The following ZDHHC11 variants were observed in gnomAD, a reference collection of about 807,000 sequenced individuals.
ZDHHC11 encodes zDHHC palmitoyltransferase 11.
A neutral mutation model predicts 51.3 loss-of-function variants in ZDHHC11; 44 were observed. The observed-to-expected ratio is 0.86, with a 90% CI of 0.67 to 1.10. The LOEUF (loss-of-function observed/expected upper bound fraction) is 1.10. Among genes scored for constraint, ZDHHC11 ranks in the 50% least tolerant of loss-of-function variants. The pLI, the probability that ZDHHC11 is intolerant of heterozygous loss-of-function variation, is 0.00. For synonymous variants in ZDHHC11, 163 were observed against 222.0 expected (o/e 0.73, Z 2.36); for missense variants, 400 against 537.7 (o/e 0.74, Z 2.53).
intron 10 of ZDHHC11, among the ~76,000 whole-genome samples, chr5:817,254 G>C (rs1233305082): frequency 6.6e-6 from 1 of 151,520 alleles, no homozygotes; most frequent in African/African-American, 2.4e-5. Context: ...GCTAAAAGCT[G>C]TACAGACTTT....
At chr5:858,187 C>CG (rs1431937754) in intron 1 of ZDHHC11, among the ~76,000 whole-genome samples, 2 of 148,562 alleles carry the variant, frequency 1.3e-5, no homozygotes, top group African/African-American at 2.5e-5. Context: ...TTTATGACAC[C>CG]AGGCCCCCAG....
rs1380182094 is a variant in ZDHHC11 at position 809,007 on chromosome 5, ACACACACG to A, written c.1181+5746_1181+5753del. Among the ~76,000 whole-genome samples, 4 of 144,650 alleles carry A rather than the reference ACACACACG, an allele frequency of 2.8e-5. No individual in the cohort carries two copies. In the East Asian group the frequency reaches 7.8e-4, roughly 28 times the overall value. The allele number at this position is 144,650 out of a possible 152,430, so 94.9% of individuals were successfully genotyped here. ...GTTACACACACACACACACACACAC[ACACACACG>A]CACACTATTTATTCCCCACCTGTCT... On this transcript the variant is annotated intron_variant, in intron 11 of 12. Transcript: ENST00000283441.
At position 839,811 on chromosome 5, in the gene ZDHHC11, C is replaced by T. The variant is rs572501437; in HGVS notation, c.784+684G>A. ...GCTGGCCTGGACACACTCTGCTGCCCGTGTCCACAGAAACCCCCTGAGAGG... is the reference window on the plus strand; with the variant it reads ...GCTGGCCTGGACACACTCTGCTGCCTGTGTCCACAGAAACCCCCTGAGAGG... On this transcript the variant is annotated intron_variant, in intron 5 of 12. Transcript: ENST00000283441. 4.9e-3 allele frequency: 1,049 copies of T among 215,820 alleles called. 16 individuals carry two copies. Among genetic ancestry groups the T allele is most frequent in the African/African-American group, 0.023 (985 of 42,700 alleles). The allele number at this position is 215,820 out of a possible 1,614,324, so 13.4% of individuals were successfully genotyped here. A position where few individuals can be genotyped will look rare whatever the true frequency, so the allele number is the denominator to read the frequency against.
chr5:842,926 C>G (rs1412014526), intron 4 of ZDHHC11, among the ~76,000 whole-genome samples: 1 of 152,272 alleles, frequency 6.6e-6, no homozygotes, highest in East Asian at 1.9e-4. Context: ...CTTTCTCTTA[C>G]AAGCACACTC....
upstream of ZDHHC11, among the ~76,000 whole-genome samples, chr5:851,398 G>A (rs186745848): frequency 7.9e-3 from 1,195 of 150,886 alleles, 17 homozygotes; most frequent in African/African-American, 0.028. Flanking sequence ...ACACTCAACG[G>A]CCGCTACGGG....
intron 7 of ZDHHC11, among the ~76,000 whole-genome samples, chr5:829,128 A>G (rs1331499108): frequency 2.1e-5 from 3 of 141,852 alleles, no homozygotes; most frequent in Admixed American, 1.4e-4. Flanking sequence ...ACCCAACAGA[A>G]GAAAAGTAAT....
intron 4 of ZDHHC11, chr5:840,917 C>G: frequency 7.1e-7 from 1 of 1,409,296 alleles, no homozygotes; most frequent in Non-Finnish European, 9.2e-7. Context: ...AGTGCCCACC[C>G]CTTCCTAAGT....
intron 1 of ZDHHC11, among the ~76,000 whole-genome samples, chr5:858,609 C>T (rs929341340): frequency 6.6e-6 from 1 of 152,194 alleles, no homozygotes; most frequent in African/African-American, 2.4e-5. Context: ...GCCCCCCAAA[C>T]GTGTCCTCGT....
Position 850,783 on chromosome 5 carries a change from G to A in ZDHHC11, c.-181C>T, listed in dbSNP as rs1044494637. 43 of 737,756 alleles carry A rather than the reference G, an allele frequency of 5.8e-5. No homozygotes were observed. Among genetic ancestry groups the A allele is most frequent in the African/African-American group, 4.8e-4 (27 of 56,520 alleles). 45.7% of individuals were successfully genotyped at this position (737,756 alleles called of 1,614,324 possible). A position where few individuals can be genotyped will look rare whatever the true frequency, so the allele number is the denominator to read the frequency against. ...AGGGAGCAGGGGCTGGGCTGGAGTC[G>A]GTGCAGGGCCCCGCCCAGGGGAATG... On this transcript the variant is annotated 5_prime_UTR_variant, in exon 1 of 13. Transcript: ENST00000283441.
chr5:820,177 G>A lies in ZDHHC11; in HGVS notation c.1059-565C>T, dbSNP rs142753582. Among the ~76,000 whole-genome samples the A allele has an allele frequency of 7.6e-3, 1,154 of 151,318 alleles. 5 individuals carry two copies. The highest frequency in any genetic ancestry group is 0.024 in the African/African-American group (978 of 41,214). ...CATTTCTATTAATCTTGCCCAAAAT[G>A]CATCACAGAGAAAGCATTTTTGTAT... On this transcript the variant is annotated intron_variant, in intron 9 of 12. Transcript: ENST00000283441.
At chr5:821,042 T>C (rs1229382776) in intron 9 of ZDHHC11, 1 of 151,360 alleles carries the variant, frequency 6.6e-6, no homozygotes, top group Admixed American at 6.6e-5. Context: ...TGGGATAAAA[T>C]AACCTTATCT....
At chr5:824,075 G>A (rs67828407) in intron 8 of ZDHHC11, 5,033 of 452,234 alleles carry the variant, frequency 0.011, 3 homozygotes, top group East Asian at 0.1. Flanking sequence ...AAATCCTGGG[G>A]AAGTGTGGTG....
At chr5:859,065 G>A (rs1748652605), upstream of ZDHHC11, among the ~76,000 whole-genome samples, 1 of 152,104 alleles carries the variant, frequency 6.6e-6, no homozygotes, top group African/African-American at 2.4e-5. Context: ...GAGGGGACAA[G>A]GGGGCATGAG....
chr5:815,745 C>T (rs1740702001), intron 10 of ZDHHC11, among the ~76,000 whole-genome samples: 2 of 151,470 alleles, frequency 1.3e-5, no homozygotes, highest in South Asian at 2.1e-4. Context: ...TTCCAATTCT[C>T]CCACATATTC....
intron 1 of ZDHHC11, among the ~76,000 whole-genome samples, chr5:858,106 T>C (rs1748520877): frequency 7.0e-6 from 1 of 143,622 alleles, no homozygotes; most frequent in Admixed American, 6.8e-5. Flanking sequence ...CTAGAGTCTG[T>C]CCTGGTCCCC....
At chr5:837,238 C>T (rs2150378369) in intron 6 of ZDHHC11, 127 bp downstream of exon 6, 2 of 1,057,804 alleles carry the variant, frequency 1.9e-6, no homozygotes, top group Non-Finnish European at 1.4e-6. Context: ...CACAGACACA[C>T]ACACAGCAGA....
chr5:825,349 T>G (rs1259045912), intron 7 of ZDHHC11, 98 bp from the exon 8 acceptor site: 1 of 1,232,408 alleles, frequency 8.1e-7, no homozygotes, highest in African/African-American at 1.4e-5. Context: ...GCACCACTGC[T>G]GTGGGGCACA....
chr5:850,960 C>G lies in ZDHHC11; in HGVS notation c.-358G>C. The stretch of plus-strand genomic sequence containing the variant: ...TGGGGAGTGCTCGACAGCCCCCACA[C>G]AGCGACAGGTCCCACAACCCGTTCA... On this transcript the variant is annotated 5_prime_UTR_variant, in exon 1 of 13. Transcript: ENST00000283441. The G allele has an allele frequency of 2.8e-6, 1 of 355,390 alleles. No homozygotes were observed. The highest frequency in any genetic ancestry group is 5.2e-6 in the Non-Finnish European group (1 of 194,034). 22.0% of individuals were successfully genotyped at this position (355,390 alleles called of 1,614,324 possible). A position where few individuals can be genotyped will look rare whatever the true frequency, so the allele number is the denominator to read the frequency against.
intron 10 of ZDHHC11, chr5:816,827 G>C (rs1740860429): frequency 4.2e-6 from 2 of 477,080 alleles, no homozygotes; most frequent in Admixed American, 2.7e-5. Flanking sequence ...TTTGATGGCA[G>C]ATACACCCTG....
Sources: gnomAD v4.1 joint callset for allele counts (sites outside exome capture counted in the v4.1 genomes callset) on GRCh38, gnomAD v4.1.1 for gene constraint, MANE v1.5 for transcripts, NCBI Gene and HGNC (gene_info 2026-07-23, HGNC 2026-07-21) for gene names.